Variants in GLT1D1 observed in about 807,000 individuals in gnomAD.
GLT1D1 encodes the protein glycosyltransferase 1 domain-containing protein 1.
A neutral mutation model predicts 28.7 loss-of-function variants in GLT1D1; 21 were observed. That is an observed-to-expected ratio of 0.73 (90% CI 0.52 to 1.05). GLT1D1 has a LOEUF of 1.05. GLT1D1 is among the 50% of genes least tolerant of loss of function. The pLI, the probability that GLT1D1 is intolerant of heterozygous loss-of-function variation, is 0.00. For synonymous variants in GLT1D1, 147 were observed against 124.8 expected, an observed-to-expected ratio of 1.18 and a Z score of -1.19; for missense variants, 343 against 330.6, an observed-to-expected ratio of 1.04 and a Z score of -0.29.
intron 4 of GLT1D1, among the ~76,000 whole-genome samples, chr12:128,934,029 T>C (rs1205947070): frequency 1.3e-5 from 2 of 151,852 alleles, no homozygotes; most frequent in African/African-American, 4.8e-5. Context: ...CCGACGGGAG[T>C]GCACTCTGCT....
At chr12:128,909,409 C>T (rs1871300436) in intron 4 of GLT1D1, among the ~76,000 whole-genome samples, 1 of 151,948 alleles carries the variant, frequency 6.6e-6, no homozygotes, top group Non-Finnish European at 1.5e-5. Context: ...TTGAAAAGTG[C>T]CCAATTTCTT....
chr12:128,956,724 C>T (rs7979315), intron 6 of GLT1D1, among the ~76,000 whole-genome samples: 1,904 of 152,318 alleles, frequency 0.013, 38 homozygotes, highest in African/African-American at 0.043. Flanking sequence ...CCTCCTCCTC[C>T]TCCTCTTTCC....
chr12:128,939,114 G>T (rs1874859071), intron 4 of GLT1D1, among the ~76,000 whole-genome samples: 1 of 152,118 alleles, frequency 6.6e-6, no homozygotes. Context: ...TCGTGTCACG[G>T]TGAGGTTTCT....
chr12:128,906,633 A>G (rs1870895152), intron 4 of GLT1D1, among the ~76,000 whole-genome samples: 1 of 152,190 alleles, frequency 6.6e-6, no homozygotes, highest in African/African-American at 2.4e-5. Flanking sequence ...AACAAAAAAA[A>G]GCACAGTGTC....
At position 128,888,662 on chromosome 12, in the gene GLT1D1, A is replaced by G. The variant is rs1334350027; in HGVS notation, c.241A>G (p.Ile81Val). The G allele has an allele frequency of 1.2e-6, 2 of 1,613,504 alleles. No homozygotes were observed. The highest frequency in any genetic ancestry group is 1.7e-6 in the Non-Finnish European group (2 of 1,179,540). ...AGGCCACCGAATCCCTTTTGGAGTC[A>G]TCTTTGGTGGAACTGATGTAAATGA... is the stretch of plus-strand genomic sequence containing the variant. Residue 81 changes from isoleucine to valine, a missense_variant, in exon 3 of 8, where the codon ATC becomes GTC. Transcript: ENST00000281703.
chr12:128,974,627 A>G (rs1879589725), intron 7 of GLT1D1, among the ~76,000 whole-genome samples: 1 of 152,236 alleles, frequency 6.6e-6, no homozygotes, highest in Admixed American at 6.5e-5. Context: ...ACTGATGTGA[A>G]GTCACCTAGG....
At chr12:128,874,135 TTTCTTTCTTTCTTTCTTTC>T in intron 1 of GLT1D1, among the ~76,000 whole-genome samples, 1 of 68,592 alleles carries the variant, frequency 1.5e-5, no homozygotes, top group South Asian at 9.5e-4. Flanking sequence ...TCTTTCTTTC[TTTCTTTCTTTCTTTCTTTC>T]TTTCTTTCTT....
intron 4 of GLT1D1, among the ~76,000 whole-genome samples, chr12:128,913,259 G>T (rs541720845): frequency 1.3e-5 from 2 of 151,992 alleles, no homozygotes; most frequent in Admixed American, 6.5e-5. Context: ...TTGCTCTGTC[G>T]CCCAGGCTGG....
At chr12:128,933,475 T>A (rs470668) in intron 4 of GLT1D1, among the ~76,000 whole-genome samples, 3 of 152,236 alleles carry the variant, frequency 2.0e-5, no homozygotes, top group East Asian at 1.9e-4. Context: ...CTATTCTACG[T>A]CATTTTGAGA....
intron 2 of GLT1D1, among the ~76,000 whole-genome samples, chr12:128,887,643 G>A (rs1038607339): frequency 6.6e-6 from 1 of 152,094 alleles, no homozygotes; most frequent in Non-Finnish European, 1.5e-5. Flanking sequence ...AATATCTGGA[G>A]GCTGAATTCA....
At chr12:128,961,813 A>G (rs1877980669) in intron 7 of GLT1D1, among the ~76,000 whole-genome samples, 2 of 152,232 alleles carry the variant, frequency 1.3e-5, no homozygotes, top group South Asian at 4.1e-4. Flanking sequence ...GTCACCAGCT[A>G]TCTGGACATC....
intron 7 of GLT1D1, among the ~76,000 whole-genome samples, chr12:128,962,554 A>G (rs1455253356): frequency 6.6e-6 from 1 of 152,156 alleles, no homozygotes; most frequent in Non-Finnish European, 1.5e-5. Flanking sequence ...CCAGGTATGC[A>G]GGGGGTGAGG....
At chr12:128,946,286 G>C (rs1358917818) in intron 5 of GLT1D1, among the ~76,000 whole-genome samples, 1 of 152,228 alleles carries the variant, frequency 6.6e-6, no homozygotes, top group African/African-American at 2.4e-5. Flanking sequence ...TGTCAGCGCT[G>C]TGTGCTGGGA....
intron 7 of GLT1D1, among the ~76,000 whole-genome samples, chr12:128,970,030 TC>T (rs1256530785): frequency 6.6e-6 from 1 of 152,088 alleles, no homozygotes; most frequent in Non-Finnish European, 1.5e-5. Flanking sequence ...ACAAATGCAG[TC>T]CCCAGTCAGC....
chr12:128,942,508 T>C (rs910341061), intron 4 of GLT1D1, among the ~76,000 whole-genome samples: 1 of 152,136 alleles, frequency 6.6e-6, no homozygotes, highest in Non-Finnish European at 1.5e-5. Context: ...GTATTTTAAG[T>C]ACCTGGGGAA....
At chr12:128,982,826 C>G in intron 7 of GLT1D1, 103 bp from the exon 12 acceptor site, 1 of 1,046,390 alleles carries the variant, frequency 9.6e-7, no homozygotes, top group Non-Finnish European at 1.4e-6. Flanking sequence ...AGGAGGCAGA[C>G]AAGGGCAAGG....
In GLT1D1 at chr12:128,969,919, T is replaced by G. The variant is rs537036713; in HGVS notation, c.639+12276T>G. On this transcript the variant is annotated intron_variant, in intron 7 of 7. Coordinates refer to ENST00000281703, the MANE Select transcript of GLT1D1 (RefSeq NM_144669.3). ...GAGCCCGCAGGCTCCAGCTGGGGAC[T>G]GTGATTAGGGGAGGGGCCAGGCATG... Among the ~76,000 whole-genome samples, 4 of 152,138 alleles carry G rather than the reference T, an allele frequency of 2.6e-5. No homozygotes were observed. The East Asian group carries it at 5.8e-4, about 22-fold the overall frequency.
chr12:128,919,905 G>A (rs183786201), intron 4 of GLT1D1, among the ~76,000 whole-genome samples: 19 of 150,188 alleles, frequency 1.3e-4, no homozygotes, highest in African/African-American at 4.7e-4. Context: ...CTGTTTTTCT[G>A]ATTTCTGTTT....
At chr12:128,890,245 T>A (rs1457611203) in intron 3 of GLT1D1, among the ~76,000 whole-genome samples, 1 of 152,180 alleles carries the variant, frequency 6.6e-6, no homozygotes, top group Non-Finnish European at 1.5e-5. Flanking sequence ...AAAACACGCC[T>A]TCTCTGCGCA....
Sources: gnomAD v4.1 joint callset for allele counts (sites outside exome capture counted in the v4.1 genomes callset) on GRCh38, gnomAD v4.1.1 for gene constraint, MANE v1.5 for transcripts, NCBI Gene and HGNC (gene_info 2026-07-23, HGNC 2026-07-21) for gene names.